The following BPIFC variants were observed in gnomAD, a reference collection of about 807,000 sequenced individuals.
The protein encoded by BPIFC is BPI fold containing family C, also known as BPI fold-containing family C protein.
BPIFC carries 60 observed loss-of-function variants against 57.6 expected under a neutral mutation model. The observed-to-expected ratio is 1.04, with a 90% CI of 0.85 to 1.29. The LOEUF (loss-of-function observed/expected upper bound fraction) is 1.29. Ranked by LOEUF, BPIFC falls within the 50% of genes most tolerant of loss-of-function variation. The probability of loss-of-function intolerance (pLI) is 0.00; values close to 1 mark genes in which losing one functional copy is unlikely to be tolerated. For missense variants in BPIFC, 581 were observed against 600.5 expected (o/e 0.97, Z 0.34); for synonymous variants, 243 against 224.5 (o/e 1.08, Z -0.74).
At chr22:32,432,664 G>C in intron 11 of BPIFC, 121 bp from the exon 12 acceptor site, 2 of 953,050 alleles carry the variant, frequency 2.1e-6, no homozygotes, top group South Asian at 1.9e-5. Context: ...TAGAAAAAAA[G>C]CTCTTTAATA....
At chr22:32,434,997 T>TGAC (rs1934349344) in intron 10 of BPIFC, among the ~76,000 whole-genome samples, 1 of 151,778 alleles carries the variant, frequency 6.6e-6, no homozygotes, top group African/African-American at 2.4e-5. Context: ...GGAATAATGA[T>TGAC]GACAATGATG....
chr22:32,422,317 G>C (rs921731081), intron 13 of BPIFC, among the ~76,000 whole-genome samples: 1 of 152,162 alleles, frequency 6.6e-6, no homozygotes, highest in Non-Finnish European at 1.5e-5. Flanking sequence ...ATGGAGAGAA[G>C]TCGTTTGTAG....
At chr22:32,420,335 AT>A (rs775795464) in intron 13 of BPIFC, among the ~76,000 whole-genome samples, 1,967 of 64,578 alleles carry the variant, frequency 0.03, 54 homozygotes, top group African/African-American at 0.12. Context: ...AAAAAAAAAA[AT>A]AGTTTTCAGG....
intron 3 of BPIFC, among the ~76,000 whole-genome samples, chr22:32,456,222 TACAC>T (rs1399839448): frequency 6.6e-6 from 1 of 152,254 alleles, no homozygotes; most frequent in Non-Finnish European, 1.5e-5. Context: ...AGTAACAAGA[TACAC>T]ACACATGCAT....
chr22:32,462,075 C>A (rs1935171176), intron 1 of BPIFC, among the ~76,000 whole-genome samples: 1 of 140,444 alleles, frequency 7.1e-6, no homozygotes, highest in Admixed American at 8.1e-5. Context: ...GAGGCTGAGG[C>A]AGGAGAATCA....
intron 4 of BPIFC, among the ~76,000 whole-genome samples, chr22:32,448,120 G>A (rs1315642480): frequency 6.6e-6 from 1 of 151,086 alleles, no homozygotes; most frequent in African/African-American, 2.4e-5. Flanking sequence ...CCAGGCTGGA[G>A]TGCAGTGGCA....
chr22:32,459,060 G>A (rs1168583259), intron 2 of BPIFC, among the ~76,000 whole-genome samples: 1 of 152,208 alleles, frequency 6.6e-6, no homozygotes, highest in Non-Finnish European at 1.5e-5. Context: ...AAAATCAAGT[G>A]AGTAATATAT....
At chr22:32,463,247 G>A (rs1450154334) in intron 1 of BPIFC, among the ~76,000 whole-genome samples, 1 of 152,200 alleles carries the variant, frequency 6.6e-6, no homozygotes. Flanking sequence ...GTCAAGCAAG[G>A]TGATGACTAC....
At chr22:32,439,238 T>A (rs994649274) in intron 8 of BPIFC, among the ~76,000 whole-genome samples, 2 of 151,970 alleles carry the variant, frequency 1.3e-5, no homozygotes, top group South Asian at 2.1e-4. Context: ...GGCAGGAGAA[T>A]CTCTTGAACC....
At position 32,433,713 on chromosome 22, in the gene BPIFC, A is replaced by T; in HGVS notation, c.978+6T>A. 6.2e-7 allele frequency: 1 copy of T among 1,613,570 alleles called. No homozygotes were observed. Among genetic ancestry groups the T allele is most frequent in the Non-Finnish European group, 8.5e-7 (1 of 1,179,516 alleles). ...CACTATCAAGACTCAAACCCTGAGC[A>T]CTTACCCGGGAGAGCACGTTGCCAA... is the stretch of plus-strand genomic sequence containing the variant. On this transcript the variant is annotated splice_donor_region_variant and intron_variant, in intron 11 of 16. Transcript: ENST00000300399.
At position 32,435,824 on chromosome 22, in the gene BPIFC, A is replaced by G. The variant is rs371383459; in HGVS notation, c.804T>C (p.Phe268=). The G allele has an allele frequency of 6.2e-7, 1 of 1,614,182 alleles. No individual in the cohort carries two copies. Among genetic ancestry groups the G allele is most frequent in the African/African-American group, 1.3e-5 (1 of 75,052 alleles). ...LTDPPFSPVP[F]VLPERSNSML... is the part of the protein sequence containing the mutation. ...TGGAGTTGCTGCGTTCTGGGAGCAC[A>G]AAAGGAACTGGTGAGAAGGGGGGGT... Residue 268 remains phenylalanine (F), a synonymous_variant, in exon 10 of 17, where the codon TTT becomes TTC. Transcript: ENST00000300399.
At chr22:32,433,853 T>G (rs1417494191) in intron 10 of BPIFC, 81 bp from the exon 11 acceptor site, 2 of 1,222,928 alleles carry the variant, frequency 1.6e-6, no homozygotes, top group East Asian at 4.7e-5. Context: ...TTCCCTATAA[T>G]TTGACGAATT....
intron 13 of BPIFC, among the ~76,000 whole-genome samples, chr22:32,423,629 G>A (rs1367561782): frequency 6.7e-6 from 1 of 149,810 alleles, no homozygotes; most frequent in Admixed American, 6.7e-5. Context: ...GTTGATGGTG[G>A]AGTTCAATTT....
chr22:32,419,803 C>CAAAAAAAAAAAAAAAA (rs34812283), intron 13 of BPIFC, among the ~76,000 whole-genome samples: 1 of 102,368 alleles, frequency 9.8e-6, no homozygotes, highest in African/African-American at 3.7e-5. Flanking sequence ...GAGACCCTGT[C>CAAAAAAAAAAAAAAAA]AAAAAAAAAA....
chr22:32,445,528 C>G, intron 7 of BPIFC, 107 bp downstream of exon 7: 1 of 1,219,468 alleles, frequency 8.2e-7, no homozygotes, highest in East Asian at 2.4e-5. Context: ...CAGAGCGAGA[C>G]TCTGTCTCAA....
chr22:32,424,741 C>CTTCTTCT (rs1569448225), intron 13 of BPIFC, among the ~76,000 whole-genome samples: 6 of 44,334 alleles, frequency 1.4e-4, no homozygotes, highest in African/African-American at 8.2e-4. Context: ...CTTCTTCTTC[C>CTTCTTCT]TCTTCTTCTT....
rs1214356868 is a variant in BPIFC at position 32,431,494 on chromosome 22, C to T, written c.1150-80G>A. ...TCAGTATAATTTCCAATAGTTGAAACATTATAAGCCCAACATTCCCCCTTA... is the reference window on the plus strand; with the variant it reads ...TCAGTATAATTTCCAATAGTTGAAATATTATAAGCCCAACATTCCCCCTTA... On this transcript the variant is annotated intron_variant, in intron 12 of 16. Coordinates refer to ENST00000300399, the MANE Select transcript of BPIFC (RefSeq NM_174932.3). The T allele has an allele frequency of 2.1e-6, 2 of 971,952 alleles. 1 individual carries two copies. The highest frequency in any genetic ancestry group is 2.8e-5 in the South Asian group (2 of 72,178). The allele number at this position is 971,952 out of a possible 1,614,324, so 60.2% of individuals were successfully genotyped here.
chr22:32,424,692 CCTCTTCTTCT>C (rs1933984152), intron 13 of BPIFC, among the ~76,000 whole-genome samples: 1 of 57,024 alleles, frequency 1.8e-5, no homozygotes, highest in Non-Finnish European at 3.1e-5. Context: ...TCTTCTTCTT[CCTCTTCTTCT>C]TCCTCTTCTT....
chr22:32,428,273 G>GCA (rs1569449102), intron 13 of BPIFC, among the ~76,000 whole-genome samples: 3 of 141,214 alleles, frequency 2.1e-5, no homozygotes, highest in Non-Finnish European at 3.0e-5. Context: ...GTGTGTGCGC[G>GCA]CGCGTGTGTG....
Sources: allele counts gnomAD v4.1 joint callset (sites outside exome capture counted in the v4.1 genomes callset), GRCh38; gene constraint gnomAD v4.1.1; transcripts MANE v1.5; gene names NCBI Gene and HGNC (gene_info 2026-07-23, HGNC 2026-07-21).